Variants in CTNNA2 observed in about 807,000 individuals in gnomAD.
The protein encoded by CTNNA2 is catenin alpha 2, also known as catenin alpha-2.
Under a neutral mutation model 101.0 loss-of-function variants are expected in CTNNA2, and 42 were observed. The observed-to-expected ratio is 0.42, with a 90% CI of 0.32 to 0.54. The LOEUF (loss-of-function observed/expected upper bound fraction) is 0.54, where lower values mean the gene tolerates loss of function less well. Among genes scored for constraint, CTNNA2 ranks in the 20% least tolerant of loss-of-function variants. CTNNA2 has a pLI of 0.14. For missense variants in CTNNA2, 871 were observed against 1,223.1 expected, an observed-to-expected ratio of 0.71 and a Z score of 4.29; for synonymous variants, 450 against 456.4, an observed-to-expected ratio of 0.99 and a Z score of 0.18.
At chr2:79,368,899 G>C (rs1024484018) in intron 3 of CTNNA2, among the ~76,000 whole-genome samples, 21 of 152,192 alleles carry the variant, frequency 1.4e-4, no homozygotes, top group African/African-American at 4.8e-4. Context: ...ACTAGGTTTT[G>C]TTGTTGTTGT....
chr2:80,566,025 AG>A (rs766611068), intron 12 of CTNNA2, among the ~76,000 whole-genome samples: 20 of 152,206 alleles, frequency 1.3e-4, no homozygotes, highest in Non-Finnish European at 2.6e-4. Context: ...ACAATTAAAC[AG>A]AAATTTTCAT....
At chr2:79,645,230 T>G (rs1680734047) in intron 1 of CTNNA2, among the ~76,000 whole-genome samples, 1 of 152,110 alleles carries the variant, frequency 6.6e-6, no homozygotes, top group Non-Finnish European at 1.5e-5. Context: ...CAAGCAATCT[T>G]CCCATCTCAG....
intron 9 of CTNNA2, among the ~76,000 whole-genome samples, chr2:80,488,813 A>C (rs1449296790): frequency 2.6e-5 from 4 of 152,230 alleles, no homozygotes. Flanking sequence ...ATTCAGAATA[A>C]ATCAACCATT....
chr2:79,762,583 A>G (rs2105093678), intron 3 of CTNNA2, among the ~76,000 whole-genome samples: 1 of 152,220 alleles, frequency 6.6e-6, no homozygotes, highest in Admixed American at 6.5e-5. Context: ...TAAGTAATAG[A>G]AAAAAAATTG....
intron 4 of CTNNA2, among the ~76,000 whole-genome samples, chr2:79,475,932 G>A (rs1006866805): frequency 3.3e-5 from 5 of 152,070 alleles, no homozygotes; most frequent in Non-Finnish European, 5.9e-5. Flanking sequence ...TGCATTTTCC[G>A]AGTTCCATAC....
chr2:80,347,002 T>A (rs1672796145), intron 7 of CTNNA2, among the ~76,000 whole-genome samples: 1 of 152,218 alleles, frequency 6.6e-6, no homozygotes, highest in Non-Finnish European at 1.5e-5. Context: ...TTTGAAGATC[T>A]GGACTTACAT....
intron 2 of CTNNA2, among the ~76,000 whole-genome samples, chr2:79,307,165 A>G (rs1354654056): frequency 6.6e-6 from 1 of 152,196 alleles, no homozygotes; most frequent in Admixed American, 6.5e-5. Context: ...AGTTTGATAC[A>G]TATAATGTAT....
intron 7 of CTNNA2, among the ~76,000 whole-genome samples, chr2:80,380,068 A>C (rs1456272470): frequency 8.8e-6 from 1 of 113,374 alleles, no homozygotes; most frequent in Non-Finnish European, 1.6e-5. Flanking sequence ...ACGGAGTCTC[A>C]CTCTGTCGCC....
intron 4 of CTNNA2, among the ~76,000 whole-genome samples, chr2:79,397,463 C>G (rs186402508): frequency 9.9e-5 from 15 of 151,618 alleles, no homozygotes; most frequent in Admixed American, 9.9e-4. Flanking sequence ...ATATCTTTCA[C>G]AAGAAAGATC....
rs6716816 is a variant in CTNNA2, at chr2:79,441,003, G to A, written c.-134-64051G>A. On this transcript the variant is annotated intron_variant, in intron 4 of 21. Transcript: ENST00000466387. The stretch of plus-strand genomic sequence containing the variant: ...ATTCAGACAGTTTGTACAAGTTGTG[G>A]CAAGGAGTAGTTCAGTGCCGAGCAA... 2.2e-3 allele frequency among the ~76,000 whole-genome samples: 339 copies of A among 152,268 alleles called. 1 individual carries two copies. Among genetic ancestry groups the A allele is most frequent in the African/African-American group, 7.7e-3 (321 of 41,558 alleles).
intron 8 of CTNNA2, among the ~76,000 whole-genome samples, chr2:80,403,178 C>T (rs1404117622): frequency 1.3e-5 from 2 of 152,182 alleles, no homozygotes; most frequent in Non-Finnish European, 2.9e-5. Context: ...GGAAAATCAG[C>T]AATACTGATT....
chr2:79,499,828 T>G (rs1671300470), intron 4 of CTNNA2, among the ~76,000 whole-genome samples: 1 of 152,316 alleles, frequency 6.6e-6, no homozygotes, highest in South Asian at 2.1e-4. Context: ...AGAACCAATA[T>G]GATTTGTGTG....
intron 18 of CTNNA2, among the ~76,000 whole-genome samples, chr2:80,634,527 T>C (rs1421397094): frequency 2.0e-5 from 3 of 152,072 alleles, no homozygotes; most frequent in East Asian, 1.9e-4. Context: ...GTGAAGACCA[T>C]TTTGATAGAT....
At chr2:79,959,233 G>A (rs1689458038) in intron 7 of CTNNA2, among the ~76,000 whole-genome samples, 1 of 151,896 alleles carries the variant, frequency 6.6e-6, no homozygotes, top group Non-Finnish European at 1.5e-5. Flanking sequence ...CAGACCATCA[G>A]GACAGATTTG....
At chr2:79,773,606 C>G (rs1347772795) in intron 3 of CTNNA2, among the ~76,000 whole-genome samples, 1 of 151,970 alleles carries the variant, frequency 6.6e-6, no homozygotes, top group African/African-American at 2.4e-5. Context: ...GCAGGTTTGC[C>G]CTGAGCAGTT....
intron 14 of CTNNA2, among the ~76,000 whole-genome samples, chr2:80,583,108 C>A (rs539968857): frequency 1.4e-4 from 21 of 152,258 alleles, no homozygotes; most frequent in African/African-American, 4.8e-4. Context: ...ATGCTCAAAG[C>A]TACATGTTGC....
At chr2:79,799,901 GATTGGC>G (rs1290286673) in intron 3 of CTNNA2, among the ~76,000 whole-genome samples, 5 of 152,174 alleles carry the variant, frequency 3.3e-5, no homozygotes. Context: ...TTACTCTGTA[GATTGGC>G]ATAATAATGA....
chr2:80,087,476 G>T (rs1459525075), intron 7 of CTNNA2, among the ~76,000 whole-genome samples: 1 of 152,066 alleles, frequency 6.6e-6, no homozygotes, highest in Non-Finnish European at 1.5e-5. Flanking sequence ...GCAGGTCTGT[G>T]TAAATACGGG....
At position 80,348,232 on chromosome 2, in the gene CTNNA2, CTATTTAGTT is replaced by C. The variant is rs1489765041; in HGVS notation, c.1057-44976_1057-44968del. Among the ~76,000 whole-genome samples the C allele has an allele frequency of 3.3e-5, 5 of 152,142 alleles. No homozygotes were observed. The East Asian group carries it at 9.6e-4, about 29-fold the overall frequency. On this transcript the variant is annotated intron_variant, in intron 7 of 18. Coordinates refer to ENST00000402739, the MANE Select transcript of CTNNA2 (RefSeq NM_001282597.3). ...TAATCACCAGAGACAAGTAAGTTATCTATTTAGTTTACTGCTTTTTCTATTTTATCTGCT... is the reference window on the plus strand; with the variant it reads ...TAATCACCAGAGACAAGTAAGTTATCTACTGCTTTTTCTATTTTATCTGCT...
Sources: allele counts gnomAD v4.1 joint callset (sites outside exome capture counted in the v4.1 genomes callset), GRCh38; gene constraint gnomAD v4.1.1; transcripts MANE v1.5; gene names NCBI Gene and HGNC (gene_info 2026-07-23, HGNC 2026-07-21).